BACH2: variants seen among roughly 807,000 people sequenced by gnomAD.
BACH2 encodes transcription regulator protein BACH2.
A neutral mutation model predicts 61.8 loss-of-function variants in BACH2; 5 were observed. That is an observed-to-expected ratio of 0.08 (90% confidence interval 0.04 to 0.17). The LOEUF (loss-of-function observed/expected upper bound fraction) is 0.17, where lower values mean the gene tolerates loss of function less well. BACH2 is among the 10% of genes least tolerant of loss of function. The pLI is 1.00. For missense variants in BACH2, 824 were observed against 1,091.1 expected, an observed-to-expected ratio of 0.76 and a Z score of 3.45; for synonymous variants, 446 against 440.1, an observed-to-expected ratio of 1.01 and a Z score of -0.17.
At chr6:89,967,707 A>G (rs1269861200) in intron 6 of BACH2, among the ~76,000 whole-genome samples, 1 of 152,182 alleles carries the variant, frequency 6.6e-6, no homozygotes, top group African/African-American at 2.4e-5. Flanking sequence ...ATCTCTAGGT[A>G]GAGGCACCAT....
At chr6:90,224,653 T>C (rs938232603) in intron 3 of BACH2, among the ~76,000 whole-genome samples, 2 of 152,202 alleles carry the variant, frequency 1.3e-5, no homozygotes, top group Non-Finnish European at 2.9e-5. Flanking sequence ...TTATAAAACA[T>C]AGTTTAAAAT....
At chr6:90,255,499 G>C (rs2127872476) in intron 2 of BACH2, among the ~76,000 whole-genome samples, 1 of 152,196 alleles carries the variant, frequency 6.6e-6, no homozygotes, top group East Asian at 1.9e-4. Flanking sequence ...TGGGGAGAAT[G>C]ACAGAGGAGA....
At chr6:90,291,063 C>T (rs1358466040) in intron 1 of BACH2, among the ~76,000 whole-genome samples, 2 of 152,048 alleles carry the variant, frequency 1.3e-5, no homozygotes, top group Non-Finnish European at 2.9e-5. Context: ...AGGAAAAGAA[C>T]AAAAAGGTCA....
chr6:90,008,830 C>T lies in BACH2; in HGVS notation c.15G>A (p.Glu5=), dbSNP rs45447599. 3.9e-3 allele frequency: 6,279 copies of T among 1,614,030 alleles called. 16 individuals are homozygous for T. Among genetic ancestry groups the T allele is most frequent in the Non-Finnish European group, 4.8e-3 (5,697 of 1,180,004 alleles). ...ACACATACATGGGGGAGTCAGGCTTCTCATCCACAGACATGCCGTTCACAC... is the reference window on the plus strand; with the variant it reads ...ACACATACATGGGGGAGTCAGGCTTTTCATCCACAGACATGCCGTTCACAC... MSVD[E]KPDSPMYVYE... Residue 5 remains glutamate (E), a synonymous_variant, in exon 6 of 9, where the codon GAG becomes GAA. Transcript: ENST00000257749. The surrounding 1 kb of genome is among the most constrained non-coding windows in gnomAD (Gnocchi z 4.1).
chr6:90,158,404 T>C (rs1785066142), intron 4 of BACH2, among the ~76,000 whole-genome samples: 1 of 151,994 alleles, frequency 6.6e-6, no homozygotes, highest in African/African-American at 2.4e-5. Context: ...TCACTTACAC[T>C]ATCTCATCGA....
chr6:90,061,632 G>A (rs1166793470), intron 5 of BACH2, among the ~76,000 whole-genome samples: 1 of 151,976 alleles, frequency 6.6e-6, no homozygotes, highest in Admixed American at 6.6e-5. Flanking sequence ...GAAAACATAG[G>A]GACAGACTGA....
chr6:90,263,344 T>C (rs2127876806), intron 2 of BACH2, among the ~76,000 whole-genome samples: 2 of 152,362 alleles, frequency 1.3e-5, no homozygotes, highest in East Asian at 3.9e-4. Flanking sequence ...CAGCTTAATA[T>C]GGTTCCCCTC....
At chr6:90,156,899 AAAG>A (rs1209710705) in intron 4 of BACH2, among the ~76,000 whole-genome samples, 3 of 152,248 alleles carry the variant, frequency 2.0e-5, no homozygotes, top group African/African-American at 7.2e-5. Context: ...ATCCTCACAC[AAAG>A]AAGAACTGTG....
At chr6:90,191,906 A>G (rs1768587167) in intron 4 of BACH2, among the ~76,000 whole-genome samples, 1 of 152,216 alleles carries the variant, frequency 6.6e-6, no homozygotes, top group South Asian at 2.1e-4. Flanking sequence ...TCATTCTTAA[A>G]ATGACTCGAA....
chr6:90,153,273 G>A (rs933455497), intron 4 of BACH2, among the ~76,000 whole-genome samples: 10 of 152,120 alleles, frequency 6.6e-5, no homozygotes, highest in African/African-American at 2.2e-4. Context: ...CGCCCAAGTG[G>A]TGACTTATAG....
At chr6:90,112,188 C>T (rs1359379364) in intron 4 of BACH2, among the ~76,000 whole-genome samples, 3 of 152,308 alleles carry the variant, frequency 2.0e-5, no homozygotes, top group African/African-American at 7.2e-5. Flanking sequence ...CTTTTCTTCT[C>T]CAGGCCATCT....
intron 4 of BACH2, among the ~76,000 whole-genome samples, chr6:90,198,469 G>A (rs1283480670): frequency 6.6e-6 from 1 of 152,206 alleles, no homozygotes; most frequent in Non-Finnish European, 1.5e-5. Context: ...TTACAGTCAT[G>A]TCAAAACAGA....
At chr6:90,151,580 C>G (rs1784813443) in intron 4 of BACH2, among the ~76,000 whole-genome samples, 1 of 152,164 alleles carries the variant, frequency 6.6e-6, no homozygotes, top group South Asian at 2.1e-4. Context: ...TATGAGCCAC[C>G]ACATCTAGCC....
Position 89,938,300 on chromosome 6 carries a change from A to T in BACH2, c.1887T>A (p.Asp629Glu), listed in dbSNP as rs1306554551. The change falls in exon 8 of 9, where the codon GAT becomes GAA. Residue 629 changes from aspartate to glutamate, a missense_variant. Physicochemically the swap from Asp to Glu is conservative, Grantham distance 45. This residue lies in a region of BACH2 where 160 missense variants were observed against 283.5 expected (regional missense o/e 0.56). Transcript: ENST00000257749. ...VDQITDLPRN[D>E]FQMMIKMHKL... Reference sequence around the variant, plus strand: ...TGTGCATTTTAATCATCATCTGGAAATCGTTCCTTGGAAGATCTGTGATTT... The same window carrying T: ...TGTGCATTTTAATCATCATCTGGAATTCGTTCCTTGGAAGATCTGTGATTT... The T allele has an allele frequency of 6.2e-7, 1 of 1,614,266 alleles. No individual in the cohort carries two copies. The highest frequency in any genetic ancestry group is 1.7e-5 in the Admixed American group (1 of 60,034).
intron 6 of BACH2, among the ~76,000 whole-genome samples, chr6:89,971,186 C>G (rs1050109736): frequency 2.0e-5 from 3 of 152,170 alleles, no homozygotes; most frequent in African/African-American, 7.2e-5. Flanking sequence ...GGAACAACTG[C>G]GTCAGACGAC....
intron 4 of BACH2, among the ~76,000 whole-genome samples, chr6:90,187,464 G>A (rs1272091277): frequency 6.6e-6 from 1 of 152,222 alleles, no homozygotes; most frequent in Admixed American, 6.5e-5. Flanking sequence ...TCACCGTGCA[G>A]TCATGAAGCA....
intron 4 of BACH2, among the ~76,000 whole-genome samples, chr6:90,146,521 C>T (rs2127828536): frequency 6.6e-6 from 1 of 152,296 alleles, no homozygotes; most frequent in South Asian, 2.1e-4. Context: ...TCTGAAATGG[C>T]TGTAACTACT....
At chr6:90,283,787 C>G (rs917237302) in intron 1 of BACH2, among the ~76,000 whole-genome samples, 1 of 151,958 alleles carries the variant, frequency 6.6e-6, no homozygotes, top group Admixed American at 6.6e-5. Context: ...GCAGGCAGAT[C>G]ACTTGAGGTC....
chr6:90,092,600 G>T lies in BACH2; in HGVS notation c.-161-3491C>A, dbSNP rs549332095. ...GAATGTATACAGAATTTTTTTTGCA[G>T]ATTATAAGACATACATAAAATATTA... On this transcript the variant is annotated intron_variant, in intron 4 of 8. Transcript: ENST00000257749. Among the ~76,000 whole-genome samples the T allele has an allele frequency of 6.6e-5, 10 of 151,880 alleles. No individual in the cohort carries two copies. The South Asian group carries it at 1.9e-3, about 28-fold the overall frequency.
Sources: allele counts gnomAD v4.1 joint callset (sites outside exome capture counted in the v4.1 genomes callset), GRCh38; gene constraint gnomAD v4.1.1; regional missense constraint gnomAD v4.1.1; non-coding constraint Gnocchi (gnomAD v3.1); transcripts MANE v1.5; gene names NCBI Gene and HGNC (gene_info 2026-07-23, HGNC 2026-07-21).